The following FABP7 variants were observed in gnomAD, a reference collection of about 807,000 sequenced individuals.
The protein encoded by FABP7 is fatty acid-binding protein, brain.
A neutral mutation model predicts 14.2 loss-of-function variants in FABP7; 13 were observed. The observed-to-expected ratio is 0.91, with a 90% CI of 0.59 to 1.45. The LOEUF is 1.45. Among genes scored for constraint, FABP7 ranks in the 40% most tolerant of loss-of-function variants. FABP7 has a pLI of 0.00. For synonymous variants in FABP7, 49 were observed against 51.4 expected, an observed-to-expected ratio of 0.95 and a Z score of 0.20; for missense variants, 149 against 157.6, an observed-to-expected ratio of 0.95 and a Z score of 0.29.
At chr6:122,775,691 A>G (rs1780659713), upstream of FABP7, among the ~76,000 whole-genome samples, 1 of 56,592 alleles carries the variant, frequency 1.8e-5, no homozygotes, top group Non-Finnish European at 7.9e-5. Context: ...CCTCTTCACA[A>G]CAACAACAAC....
At chr6:122,755,872 A>G in the FABP7 span, among the ~76,000 whole-genome samples, 3 of 152,146 alleles carry the variant, frequency 2.0e-5, no homozygotes, top group Non-Finnish European at 2.9e-5. Context: ...ACAGGTATCC[A>G]TTGAAAGAGT....
upstream of FABP7, among the ~76,000 whole-genome samples, chr6:122,777,620 C>T (rs1780696720): frequency 3.3e-5 from 5 of 152,060 alleles, no homozygotes; most frequent in Admixed American, 3.3e-4. Context: ...TGCCACAGAG[C>T]ATCCTTTTGT....
upstream of FABP7, among the ~76,000 whole-genome samples, chr6:122,775,689 C>G (rs1385951599): frequency 1.1e-5 from 1 of 91,058 alleles, no homozygotes; most frequent in African/African-American, 2.8e-5. Context: ...AACCTCTTCA[C>G]AACAACAACA....
Position 122,783,258 on chromosome 6 carries a change from C to T in FABP7, c.349-459C>T, listed in dbSNP as rs973153239. ...GAGAATATTTGTACCTTTACATGTT[C>T]CTCTTGATTTTGGAACAAGTCATTC... On this transcript the variant is annotated intron_variant, in intron 3 of 3. Transcript: ENST00000368444. The T allele has an allele frequency of 9.1e-6, 9 of 985,318 alleles. No individual in the cohort carries two copies. The Admixed American group carries it at 3.1e-4, about 34-fold the overall frequency. 61.0% of individuals were successfully genotyped at this position (985,318 alleles called of 1,614,324 possible).
At chr6:122,782,203 G>A (rs1209395030) in intron 3 of FABP7, 1 of 981,472 alleles carries the variant, frequency 1.0e-6, no homozygotes, top group Non-Finnish European at 1.2e-6. Flanking sequence ...ATCTGTAAAA[G>A]AGGATTTATT....
At chr6:122,757,262 A>T in the FABP7 span, among the ~76,000 whole-genome samples, 281 of 152,212 alleles carry the variant, frequency 1.8e-3, 5 homozygotes, top group South Asian at 0.035. Flanking sequence ...TCTCCACAGT[A>T]TGCTAAGTGG....
At chr6:122,760,282 T>C in the FABP7 span, among the ~76,000 whole-genome samples, 4 of 152,142 alleles carry the variant, frequency 2.6e-5, no homozygotes, top group Non-Finnish European at 5.9e-5. Context: ...AATTGATACT[T>C]TAATCCTGTA....
At chr6:122,773,573 C>T in the FABP7 span, among the ~76,000 whole-genome samples, 1 of 152,100 alleles carries the variant, frequency 6.6e-6, no homozygotes, top group Non-Finnish European at 1.5e-5. Context: ...AATTACATTT[C>T]CTTTCCAGCT....
At chr6:122,764,012 A>G in the FABP7 span, among the ~76,000 whole-genome samples, 1 of 152,192 alleles carries the variant, frequency 6.6e-6, no homozygotes, top group African/African-American at 2.4e-5. Context: ...ACCTAGAAAT[A>G]CCATTTGACC....
upstream of FABP7, among the ~76,000 whole-genome samples, chr6:122,776,751 A>G (rs1463665725): frequency 6.6e-6 from 1 of 152,226 alleles, no homozygotes; most frequent in African/African-American, 2.4e-5. Flanking sequence ...TACTCATGTA[A>G]TGTTTGCATC....
the FABP7 span, among the ~76,000 whole-genome samples, chr6:122,753,655 G>T: frequency 3.3e-5 from 5 of 152,024 alleles, no homozygotes; most frequent in African/African-American, 1.2e-4. Context: ...CCAGCAAAAC[G>T]AAGGAATGAA....
At chr6:122,782,235 C>T (rs1780807953) in intron 3 of FABP7, 2 of 946,242 alleles carry the variant, frequency 2.1e-6, no homozygotes, top group African/African-American at 3.5e-5. Context: ...GCTGCCACAA[C>T]AAAGTACCAC....
upstream of FABP7, among the ~76,000 whole-genome samples, chr6:122,779,134 T>C (rs972476282): frequency 2.0e-5 from 3 of 152,114 alleles, no homozygotes; most frequent in Admixed American, 6.5e-5. Context: ...TCAAGCAGTA[T>C]ATCCAGGGAA....
the FABP7 span, among the ~76,000 whole-genome samples, chr6:122,751,083 T>C: frequency 6.6e-6 from 1 of 152,216 alleles, no homozygotes; most frequent in African/African-American, 2.4e-5. Flanking sequence ...TAAATAAATA[T>C]GTGTGCTTAA....
chr6:122,769,851 G>A, the FABP7 span, among the ~76,000 whole-genome samples: 291 of 152,080 alleles, frequency 1.9e-3, 1 homozygote, highest in African/African-American at 6.7e-3. Context: ...GTTGCTTTGC[G>A]GTGAAAGAAA....
the FABP7 span, among the ~76,000 whole-genome samples, chr6:122,767,623 C>T: frequency 6.6e-6 from 1 of 151,870 alleles, no homozygotes; most frequent in South Asian, 2.1e-4. Context: ...CTTTAAATCA[C>T]TTGGTGGCCA....
chr6:122,769,063 C>T, the FABP7 span, among the ~76,000 whole-genome samples: 1 of 152,106 alleles, frequency 6.6e-6, no homozygotes, highest in Non-Finnish European at 1.5e-5. Flanking sequence ...CATAGAGTTC[C>T]ACATCTACCT....
chr6:122,769,372 A>G, the FABP7 span, among the ~76,000 whole-genome samples: 1 of 152,176 alleles, frequency 6.6e-6, no homozygotes, highest in Non-Finnish European at 1.5e-5. Context: ...TATAAATGAT[A>G]TATTTGTAAC....
the FABP7 span, among the ~76,000 whole-genome samples, chr6:122,771,648 A>C: frequency 6.6e-6 from 1 of 152,216 alleles, no homozygotes; most frequent in East Asian, 1.9e-4. Flanking sequence ...TTGAACGCTT[A>C]TTAAAACTAT....
Sources: allele counts gnomAD v4.1 joint callset (sites outside exome capture counted in the v4.1 genomes callset), GRCh38; gene constraint gnomAD v4.1.1; transcripts MANE v1.5; gene names NCBI Gene and HGNC (gene_info 2026-07-23, HGNC 2026-07-21).